Variants in RFTN1 observed in about 807,000 individuals in gnomAD.
The protein encoded by RFTN1 is raftlin, lipid raft linker 1.
Under a neutral mutation model 46.5 loss-of-function variants are expected in RFTN1, and 26 were observed. The observed-to-expected ratio is 0.56, with a 90% CI of 0.41 to 0.78. The LOEUF is 0.78. Among genes scored for constraint, RFTN1 ranks in the 30% least tolerant of loss-of-function variants. The pLI is 0.00. For missense variants in RFTN1, 693 were observed against 718.7 expected (o/e 0.96, Z 0.41); for synonymous variants, 261 against 284.2 (o/e 0.92, Z 0.82).
chr3:16,493,704 A>T, intron 2 of RFTN1, 21 bp downstream of exon 2: 1 of 1,370,438 alleles, frequency 7.3e-7, no homozygotes, highest in South Asian at 1.4e-5. Flanking sequence ...GCCCCCATCC[A>T]TTCCCACCCC....
Position 16,504,860 on chromosome 3 carries a change from A to G in RFTN1, c.-9+8582T>C, listed in dbSNP as rs2076775397. ...CAGCACTTCTGGAAGAATATGCCCC[A>G]CAGAATGCAGCACCTTGCCCAACAA... On this transcript the variant is annotated intron_variant, in intron 1 of 9. Coordinates refer to ENST00000334133, the MANE Select transcript of RFTN1 (RefSeq NM_015150.2). The surrounding 1 kb of genome is among the most constrained non-coding windows in gnomAD (Gnocchi z 4.4). Among the ~76,000 whole-genome samples the G allele has an allele frequency of 6.6e-6, 1 of 152,024 alleles. No individual in the cohort carries two copies. The highest frequency in any genetic ancestry group is 6.5e-5 in the Admixed American group (1 of 15,278).
At chr3:16,323,099 T>TA (rs1479467100) in intron 9 of RFTN1, among the ~76,000 whole-genome samples, 5 of 152,110 alleles carry the variant, frequency 3.3e-5, no homozygotes, top group Non-Finnish European at 7.4e-5. Flanking sequence ...TTCATCCTAG[T>TA]GGGAATATCT....
rs1298369660 is a variant in RFTN1, at chr3:16,421,576, C to T, written c.333-12093G>A. ...CATGTTGGCCAGGATGGTCTCGATCCCTTGACTTCGTGATCCGCCCGCCTC... is the reference window on the plus strand; with the variant it reads ...CATGTTGGCCAGGATGGTCTCGATCTCTTGACTTCGTGATCCGCCCGCCTC... On this transcript the variant is annotated intron_variant, in intron 3 of 9. Transcript: ENST00000334133. The surrounding 1 kb of genome is among the most constrained non-coding windows in gnomAD (Gnocchi z 4.6). Among the ~76,000 whole-genome samples, 2 of 151,936 alleles carry T rather than the reference C, an allele frequency of 1.3e-5. No homozygotes were observed. Among genetic ancestry groups the T allele is most frequent in the Admixed American group, 1.3e-4 (2 of 15,250 alleles).
rs2075552502 is a variant in RFTN1 at position 16,438,221 on chromosome 3, T to C, written c.146-4184A>G. 2.0e-5 allele frequency among the ~76,000 whole-genome samples: 3 copies of C among 152,224 alleles called. 1 individual carries two copies. In the South Asian group the frequency reaches 6.2e-4, roughly 32 times the overall value. ...AAATAAACCTTTATTGAGAGTTTGA[T>C]AATTTATACATTTGTTTCCTCTTAT... On this transcript the variant is annotated intron_variant, in intron 2 of 9. Coordinates refer to ENST00000334133, the MANE Select transcript of RFTN1 (RefSeq NM_015150.2).
At position 16,330,626 on chromosome 3, in the gene RFTN1, G is replaced by A. The variant is rs137885075; in HGVS notation, c.1147-3750C>T. On this transcript the variant is annotated intron_variant, in intron 7 of 9. Coordinates refer to ENST00000334133, the MANE Select transcript of RFTN1 (RefSeq NM_015150.2). ...CTCCTGTGGTGGATACGTAATCTCC[G>A]ATCACACCTGGAGTGTTAAAAAATG... Among the ~76,000 whole-genome samples the A allele has an allele frequency of 7.9e-5, 12 of 152,282 alleles. No individual in the cohort carries two copies. The East Asian group carries it at 1.5e-3, about 20-fold the overall frequency.
intron 4 of RFTN1, among the ~76,000 whole-genome samples, chr3:16,390,222 G>A (rs2074313696): frequency 6.6e-6 from 1 of 152,222 alleles, no homozygotes; most frequent in African/African-American, 2.4e-5. Flanking sequence ...TTAAAATACA[G>A]TGATCGTCAC....
Position 16,486,626 on chromosome 3 carries a change from C to T in RFTN1, c.145+7099G>A, listed in dbSNP as rs143500314. On this transcript the variant is annotated intron_variant, in intron 2 of 9. Coordinates refer to ENST00000334133, the MANE Select transcript of RFTN1 (RefSeq NM_015150.2). The stretch of plus-strand genomic sequence containing the variant: ...AATTTGCATAAAACTCCAAATCCAC[C>T]TGAGGATTTCAAGTCTTCCTTGACA... 3.7e-3 allele frequency among the ~76,000 whole-genome samples: 558 copies of T among 152,346 alleles called. 1 individual carries two copies. The highest frequency in any genetic ancestry group is 6.1e-3 in the Non-Finnish European group (413 of 68,024).
Position 16,334,255 on chromosome 3 carries a change from G to T in RFTN1, c.1147-7379C>A, listed in dbSNP as rs1335164895. On this transcript the variant is annotated intron_variant, in intron 7 of 9. Coordinates refer to ENST00000334133, the MANE Select transcript of RFTN1 (RefSeq NM_015150.2). This position sits in a 1 kb window ranked among gnomAD's most constrained non-coding sequence, Gnocchi z 4.3. ...GAACTGGTAAAAACCCAAAAGTTAG[G>T]CAGCCCGCTTTGTTGCCAAGGCCGT... Among the ~76,000 whole-genome samples the T allele has an allele frequency of 6.6e-6, 1 of 152,174 alleles. No individual in the cohort carries two copies. Among genetic ancestry groups the T allele is most frequent in the Non-Finnish European group, 1.5e-5 (1 of 68,038 alleles).
chr3:16,458,409 T>C lies in RFTN1; in HGVS notation c.146-24372A>G, dbSNP rs994820996. On this transcript the variant is annotated intron_variant, in intron 2 of 9. Coordinates refer to ENST00000334133, the MANE Select transcript of RFTN1 (RefSeq NM_015150.2). The surrounding 1 kb of genome is among the most constrained non-coding windows in gnomAD (Gnocchi z 5.1). Reference sequence around the variant, plus strand: ...ACAGCAGAAAGGAAAAGGAAAAGTGTTTCTCTCACTGACATTTGGAAGACA... The same window carrying C: ...ACAGCAGAAAGGAAAAGGAAAAGTGCTTCTCTCACTGACATTTGGAAGACA... 6.6e-6 allele frequency among the ~76,000 whole-genome samples: 1 copy of C among 152,210 alleles called. No individual in the cohort carries two copies. The highest frequency in any genetic ancestry group is 2.4e-5 in the African/African-American group (1 of 41,436).
chr3:16,511,118 G>T (rs1308936904), intron 1 of RFTN1, among the ~76,000 whole-genome samples: 3 of 152,190 alleles, frequency 2.0e-5, no homozygotes, highest in Non-Finnish European at 4.4e-5. Context: ...CACTGAGAGG[G>T]TGAGGGCAGA....
chr3:16,374,389 G>GTGGCAGA lies in RFTN1; in HGVS notation c.826+3322_826+3328dup. Among the ~76,000 whole-genome samples, 1 of 152,344 alleles carries GTGGCAGA rather than the reference G, an allele frequency of 6.6e-6. No individual in the cohort carries two copies. The highest frequency in any genetic ancestry group is 2.1e-4 in the South Asian group (1 of 4,824). The stretch of plus-strand genomic sequence containing the variant: ...TAAAAGGCCAGAAAGATGGCGGCAG[G>GTGGCAGA]TGGCAGATCTGGGAGGGGGCCGCAT... On this transcript the variant is annotated intron_variant, in intron 5 of 9. Transcript: ENST00000334133. The surrounding 1 kb of genome is among the most constrained non-coding windows in gnomAD (Gnocchi z 5.4).
rs1332853677 is a variant in RFTN1 at position 16,508,069 on chromosome 3, AAAC to A, written c.-9+5370_-9+5372del. 7.9e-5 allele frequency among the ~76,000 whole-genome samples: 12 copies of A among 152,216 alleles called. 1 individual carries two copies. The highest frequency in any genetic ancestry group is 2.1e-4 in the South Asian group (1 of 4,824). On this transcript the variant is annotated intron_variant, in intron 1 of 9. Transcript: ENST00000334133. ...AGTAGCATAAGAGTTTGTCGGCATCAAACAACTGAGCCAAGCATAGCTTATGTT... is the reference window on the plus strand; with the variant it reads ...AGTAGCATAAGAGTTTGTCGGCATCAAACTGAGCCAAGCATAGCTTATGTT...
intron 4 of RFTN1, among the ~76,000 whole-genome samples, chr3:16,406,254 A>T (rs935773652): frequency 1.3e-5 from 2 of 152,178 alleles, no homozygotes; most frequent in African/African-American, 4.8e-5. Flanking sequence ...AGCAGGGAGA[A>T]GGGGGCCCAG....
rs768824133 is a variant in RFTN1 at position 16,376,014 on chromosome 3, CCT to C, written c.826+1702_826+1703del. On this transcript the variant is annotated intron_variant, in intron 5 of 9. Transcript: ENST00000334133. The surrounding 1 kb of genome is among the most constrained non-coding windows in gnomAD (Gnocchi z 4.7). ...TGGACAAGTTTCCCCAGTGAATAATCCTCTCACAGGAGGCAGGAAGTCTGGAA... is the reference window on the plus strand; with the variant it reads ...TGGACAAGTTTCCCCAGTGAATAATCCTCACAGGAGGCAGGAAGTCTGGAA... Among the ~76,000 whole-genome samples the C allele has an allele frequency of 1.0e-3, 159 of 152,278 alleles. No homozygotes were observed. Among genetic ancestry groups the C allele is most frequent in the Non-Finnish European group, 1.8e-3 (120 of 68,022 alleles).
rs1364317301 is a variant in RFTN1, at chr3:16,421,695, T to C, written c.332+12156A>G. On this transcript the variant is annotated intron_variant, in intron 3 of 9. Transcript: ENST00000334133. This position sits in a 1 kb window ranked among gnomAD's most constrained non-coding sequence, Gnocchi z 4.6. ...CATACTGCGTCCCACAAAGCTCTTATGGGCAGAGACGGGTCAGTGTAGCCA... is the reference window on the plus strand; with the variant it reads ...CATACTGCGTCCCACAAAGCTCTTACGGGCAGAGACGGGTCAGTGTAGCCA... Among the ~76,000 whole-genome samples the C allele has an allele frequency of 6.6e-6, 1 of 152,182 alleles. No homozygotes were observed. Among genetic ancestry groups the C allele is most frequent in the Non-Finnish European group, 1.5e-5 (1 of 68,022 alleles).
intron 2 of RFTN1, among the ~76,000 whole-genome samples, chr3:16,462,243 C>T (rs560140083): frequency 6.6e-6 from 1 of 152,296 alleles, no homozygotes; most frequent in East Asian, 1.9e-4. Context: ...ATGAGACAAT[C>T]CACATAATGC....
At chr3:16,436,452 G>A (rs529153886) in intron 2 of RFTN1, among the ~76,000 whole-genome samples, 91 of 151,942 alleles carry the variant, frequency 6.0e-4, no homozygotes, top group Non-Finnish European at 1.5e-5. Context: ...TACCTCCTGG[G>A]TTCAAGTGAT....
chr3:16,421,670 C>T lies in RFTN1; in HGVS notation c.332+12181G>A, dbSNP rs562834425. ...CAGCCCAACATTGGTGTTTTAATCTCATACTGCGTCCCACAAAGCTCTTAT... is the reference window on the plus strand; with the variant it reads ...CAGCCCAACATTGGTGTTTTAATCTTATACTGCGTCCCACAAAGCTCTTAT... On this transcript the variant is annotated intron_variant, in intron 3 of 9. Transcript: ENST00000334133. The surrounding 1 kb of genome is among the most constrained non-coding windows in gnomAD (Gnocchi z 4.6). Among the ~76,000 whole-genome samples the T allele has an allele frequency of 6.6e-6, 1 of 152,118 alleles. No individual in the cohort carries two copies. Among genetic ancestry groups the T allele is most frequent in the Non-Finnish European group, 1.5e-5 (1 of 68,010 alleles).
intron 2 of RFTN1, among the ~76,000 whole-genome samples, chr3:16,437,257 T>A (rs2075533800): frequency 6.6e-6 from 1 of 152,208 alleles, no homozygotes; most frequent in South Asian, 2.1e-4. Context: ...CTCATCGTGG[T>A]GGGAGTGAAC....
Sources: allele counts gnomAD v4.1 joint callset (sites outside exome capture counted in the v4.1 genomes callset), GRCh38; gene constraint gnomAD v4.1.1; non-coding constraint Gnocchi (gnomAD v3.1); transcripts MANE v1.5; gene names NCBI Gene and HGNC (gene_info 2026-07-23, HGNC 2026-07-21).